The following CACNA2D1 variants were observed in gnomAD, a reference collection of about 807,000 sequenced individuals.
CACNA2D1 encodes voltage-dependent calcium channel subunit alpha-2/delta-1.
In CACNA2D1, 53 loss-of-function variants were observed where a neutral mutation model predicts 171.5. That is an observed-to-expected ratio of 0.31 (90% CI 0.25 to 0.39). The LOEUF is 0.39. CACNA2D1 is among the 10% of genes least tolerant of loss of function. The probability of loss-of-function intolerance (pLI) is 1.00; values close to 1 mark genes in which losing one functional copy is unlikely to be tolerated. For missense variants in CACNA2D1, 903 were observed against 1,299.8 expected (o/e 0.69, Z 4.69); for synonymous variants, 442 against 443.1 (o/e 1.00, Z 0.03).
upstream of CACNA2D1, chr7:82,443,786 C>A (rs1230138813): frequency 4.1e-6 from 4 of 970,870 alleles, no homozygotes; most frequent in Non-Finnish European, 5.3e-6. Context: ...CTCTCCCTCT[C>A]GGTTTCCTCC....
intron 3 of CACNA2D1, among the ~76,000 whole-genome samples, chr7:82,282,681 T>G (rs559780874): frequency 7.0e-6 from 1 of 142,578 alleles, no homozygotes; most frequent in Non-Finnish European, 1.5e-5. Flanking sequence ...AACAAAGTGT[T>G]GTGTAAATAA....
intron 4 of CACNA2D1, among the ~76,000 whole-genome samples, chr7:82,148,014 C>G (rs1793344166): frequency 6.6e-6 from 1 of 152,144 alleles, no homozygotes; most frequent in African/African-American, 2.4e-5. Flanking sequence ...AGGCCTGACA[C>G]TGCAGATACA....
chr7:82,241,560 C>T (rs1804288119), intron 3 of CACNA2D1, among the ~76,000 whole-genome samples: 1 of 152,054 alleles, frequency 6.6e-6, no homozygotes, highest in Admixed American at 6.6e-5. Context: ...CAAAAGGAGT[C>T]CCAAGAGATC....
chr7:82,077,937 C>T (rs534629064), intron 7 of CACNA2D1, among the ~76,000 whole-genome samples: 2 of 152,086 alleles, frequency 1.3e-5, no homozygotes, highest in South Asian at 4.2e-4. Flanking sequence ...TTATCATCTG[C>T]TATTTGATGC....
At chr7:82,110,520 T>C (rs1480725366) in intron 6 of CACNA2D1, among the ~76,000 whole-genome samples, 1 of 152,178 alleles carries the variant, frequency 6.6e-6, no homozygotes, top group Non-Finnish European at 1.5e-5. Context: ...TCTGAGATAA[T>C]TAAGACAATC....
In CACNA2D1 at chr7:82,012,254, G is replaced by GAAAAA. The variant is rs4019047; in HGVS notation, c.1273-16_1273-12dup. 9.8e-3 allele frequency: 11,928 copies of GAAAAA among 1,219,258 alleles called. 28 individuals carry two copies. Among genetic ancestry groups the GAAAAA allele is most frequent in the African/African-American group, 0.02 (1,280 of 62,828 alleles). 75.5% of individuals were successfully genotyped at this position (1,219,258 alleles called of 1,614,324 possible). ...AACATCCAAATATTCCTGTTTATGG[G>GAAAAA]AAAAAAAAAAAAAGTCGTGGTTAAA... is the stretch of plus-strand genomic sequence containing the variant. On this transcript the variant is annotated splice_polypyrimidine_tract_variant and intron_variant, in intron 14 of 38. Coordinates refer to ENST00000356860, the MANE Select transcript of CACNA2D1 (RefSeq NM_000722.4).
At chr7:82,416,679 AT>A (rs1354356787) in intron 1 of CACNA2D1, among the ~76,000 whole-genome samples, 3 of 152,190 alleles carry the variant, frequency 2.0e-5, no homozygotes, top group African/African-American at 7.2e-5. Context: ...CATGCATCAT[AT>A]TGAATTAAGG....
At chr7:82,196,009 C>T (rs910666894) in intron 3 of CACNA2D1, among the ~76,000 whole-genome samples, 3 of 151,992 alleles carry the variant, frequency 2.0e-5, no homozygotes, top group Non-Finnish European at 4.4e-5. Context: ...AATTGTGATT[C>T]CTTCCCCAGC....
chr7:82,251,467 A>G (rs1432743515), intron 3 of CACNA2D1, among the ~76,000 whole-genome samples: 1 of 152,158 alleles, frequency 6.6e-6, no homozygotes. Flanking sequence ...CATTCATGGT[A>G]CCTCAAAGGA....
At chr7:82,375,734 T>G (rs1034762865) in intron 1 of CACNA2D1, among the ~76,000 whole-genome samples, 4 of 152,228 alleles carry the variant, frequency 2.6e-5, no homozygotes, top group Non-Finnish European at 5.9e-5. Context: ...TCTTTGTATT[T>G]AGCACAGTGC....
At chr7:82,023,424 T>C (rs1367629946) in intron 12 of CACNA2D1, among the ~76,000 whole-genome samples, 6 of 151,836 alleles carry the variant, frequency 4.0e-5, no homozygotes, top group Non-Finnish European at 7.4e-5. Flanking sequence ...GTGTATCTCC[T>C]GCAGCCTCAT....
At chr7:82,398,355 A>G (rs1825964415) in intron 1 of CACNA2D1, among the ~76,000 whole-genome samples, 2 of 152,224 alleles carry the variant, frequency 1.3e-5, no homozygotes, top group Non-Finnish European at 2.9e-5. Context: ...AGGAATGTGT[A>G]GCAACAGAAT....
Position 82,063,767 on chromosome 7 carries a change from A to G in CACNA2D1, c.779+537T>C, listed in dbSNP as rs145580425. Reference sequence around the variant, plus strand: ...CATGTACACTTGCAAACATACACATATATCTTGAATTGAAGCACTATAACA... The same window carrying G: ...CATGTACACTTGCAAACATACACATGTATCTTGAATTGAAGCACTATAACA... On this transcript the variant is annotated intron_variant, in intron 9 of 38. Coordinates refer to ENST00000356860, the MANE Select transcript of CACNA2D1 (RefSeq NM_000722.4). 2.7e-3 allele frequency among the ~76,000 whole-genome samples: 408 copies of G among 152,238 alleles called. 3 individuals are homozygous for G. Among genetic ancestry groups the G allele is most frequent in the African/African-American group, 9.4e-3 (392 of 41,562 alleles).
intron 3 of CACNA2D1, among the ~76,000 whole-genome samples, chr7:82,291,487 T>TA: frequency 1.5e-5 from 2 of 134,346 alleles, no homozygotes; most frequent in Non-Finnish European, 3.1e-5. Context: ...AAATATATTA[T>TA]ATATATTTTT....
chr7:82,318,954 C>T (rs1399718871), intron 3 of CACNA2D1, among the ~76,000 whole-genome samples: 1 of 152,176 alleles, frequency 6.6e-6, no homozygotes, highest in African/African-American at 2.4e-5. Context: ...GTGTAAAACA[C>T]TAGGCAGAGT....
intron 4 of CACNA2D1, among the ~76,000 whole-genome samples, chr7:82,162,041 G>C (rs943102004): frequency 5.3e-5 from 8 of 151,934 alleles, no homozygotes; most frequent in Admixed American, 2.6e-4. Context: ...TACAGTAAGT[G>C]GTGCACTAAA....
At chr7:82,414,050 A>G (rs1163553343) in intron 1 of CACNA2D1, among the ~76,000 whole-genome samples, 1 of 152,168 alleles carries the variant, frequency 6.6e-6, no homozygotes, top group African/African-American at 2.4e-5. Flanking sequence ...ATAGCATGCA[A>G]TTACTGGTGT....
chr7:82,036,983 T>C (rs928324004), intron 11 of CACNA2D1, among the ~76,000 whole-genome samples: 1 of 152,144 alleles, frequency 6.6e-6, no homozygotes, highest in African/African-American at 2.4e-5. Flanking sequence ...TTATGCACAA[T>C]TCTCTGAGGT....
rs947613222 is a variant in CACNA2D1 at position 82,173,834 on chromosome 7, A to G, written c.295-3225T>C. Among the ~76,000 whole-genome samples, 7 of 152,034 alleles carry G rather than the reference A, an allele frequency of 4.6e-5. No homozygotes were observed. The South Asian group carries it at 6.2e-4, about 14-fold the overall frequency. On this transcript the variant is annotated intron_variant, in intron 3 of 38. Coordinates refer to ENST00000356860, the MANE Select transcript of CACNA2D1 (RefSeq NM_000722.4). ...GAGGTGGGGAAAATCTCTTGAGGCC[A>G]GGAGTTCAAGACCAGCCTGGGCAGC... is the stretch of plus-strand genomic sequence containing the variant.
Sources: allele counts gnomAD v4.1 joint callset (sites outside exome capture counted in the v4.1 genomes callset), GRCh38; gene constraint gnomAD v4.1.1; transcripts MANE v1.5; gene names NCBI Gene and HGNC (gene_info 2026-07-23, HGNC 2026-07-21).